INPP4B: variants seen among roughly 807,000 people sequenced by gnomAD.
INPP4B encodes inositol polyphosphate-4-phosphatase type II B.
In INPP4B, 55 loss-of-function variants were observed where a neutral mutation model predicts 122.5. The observed-to-expected ratio is 0.45, with a 90% CI of 0.36 to 0.56. The LOEUF is 0.56. Among genes scored for constraint, INPP4B ranks in the 20% least tolerant of loss-of-function variants. INPP4B has a pLI of 0.00. For missense variants in INPP4B, 1,000 were observed against 1,097.7 expected, an observed-to-expected ratio of 0.91 and a Z score of 1.26; for synonymous variants, 403 against 388.7, an observed-to-expected ratio of 1.04 and a Z score of -0.43.
chr4:142,776,056 G>A (rs975873617), intron 1 of INPP4B, among the ~76,000 whole-genome samples: 2 of 152,168 alleles, frequency 1.3e-5, no homozygotes, highest in Middle Eastern at 3.4e-3. Context: ...GCGCTGATAT[G>A]TGCTTCTCTA....
chr4:142,268,322 C>CAAAAAAAAAAAAAAAAAAAAA (rs56908599), intron 10 of INPP4B, among the ~76,000 whole-genome samples: 117 of 6,898 alleles, frequency 0.017, 47 homozygotes, highest in Middle Eastern at 0.17. Context: ...GACTCCGTCT[C>CAAAAAAAAAAAAAAAAAAAAA]AAAAAAAAAA....
chr4:142,631,262 G>A (rs900376612), intron 2 of INPP4B, among the ~76,000 whole-genome samples: 23 of 152,022 alleles, frequency 1.5e-4, no homozygotes, highest in African/African-American at 5.1e-4. Flanking sequence ...ATGGTGACAC[G>A]AAAATTCTAG....
At chr4:142,233,709 CAAG>C (rs1004886341) in intron 12 of INPP4B, among the ~76,000 whole-genome samples, 4 of 152,074 alleles carry the variant, frequency 2.6e-5, no homozygotes, top group African/African-American at 9.7e-5. Context: ...GAGATTACAC[CAAG>C]AAGAATGCTT....
intron 25 of INPP4B, among the ~76,000 whole-genome samples, chr4:142,064,434 C>T (rs544444339): frequency 6.6e-5 from 10 of 152,078 alleles, no homozygotes; most frequent in South Asian, 2.1e-4. Flanking sequence ...ACAGTGGTCT[C>T]GGTTGCCATT....
chr4:142,776,926 G>A (rs78674494), intron 1 of INPP4B, among the ~76,000 whole-genome samples: 4,555 of 152,192 alleles, frequency 0.03, 82 homozygotes, highest in Non-Finnish European at 0.041. Flanking sequence ...AGTAGTGACT[G>A]GAACTCAGTT....
chr4:142,772,039 A>T (rs955130323), intron 1 of INPP4B, among the ~76,000 whole-genome samples: 1 of 152,142 alleles, frequency 6.6e-6, no homozygotes, highest in Non-Finnish European at 1.5e-5. Flanking sequence ...TTCTCTGATC[A>T]TGTTAAGTTT....
chr4:142,105,403 C>T (rs547327047), intron 23 of INPP4B, among the ~76,000 whole-genome samples: 36 of 152,252 alleles, frequency 2.4e-4, no homozygotes, highest in Admixed American at 5.2e-4. Context: ...TGAAATAAAA[C>T]TATTCCATGT....
intron 2 of INPP4B, among the ~76,000 whole-genome samples, chr4:142,530,809 A>T (rs1386501176): frequency 6.6e-6 from 1 of 151,894 alleles, no homozygotes; most frequent in Non-Finnish European, 1.5e-5. Flanking sequence ...TTAAAGTGGG[A>T]GAATGTTTGA....
intron 3 of INPP4B, among the ~76,000 whole-genome samples, chr4:142,461,676 C>G (rs1472548725): frequency 6.6e-6 from 1 of 152,104 alleles, no homozygotes; most frequent in Non-Finnish European, 1.5e-5. Context: ...TAAAAGCAGG[C>G]CAGTCTCAGG....
intron 15 of INPP4B, among the ~76,000 whole-genome samples, chr4:142,184,014 T>C (rs981911943): frequency 6.6e-6 from 1 of 152,168 alleles, no homozygotes; most frequent in Non-Finnish European, 1.5e-5. Flanking sequence ...CAGACTGCCT[T>C]CTTCACCAAA....
intron 18 of INPP4B, among the ~76,000 whole-genome samples, chr4:142,139,416 C>G (rs1806532515): frequency 6.6e-6 from 1 of 152,136 alleles, no homozygotes; most frequent in Admixed American, 6.5e-5. Context: ...AAGTGATTCT[C>G]TAGCCTCAGC....
At chr4:142,284,568 ATTC>A (rs746279958) in intron 9 of INPP4B, among the ~76,000 whole-genome samples, 2 of 152,162 alleles carry the variant, frequency 1.3e-5, no homozygotes, top group Admixed American at 6.5e-5. Flanking sequence ...AACTTGTCAG[ATTC>A]TTCTTCTCAG....
intron 2 of INPP4B, among the ~76,000 whole-genome samples, chr4:142,628,825 A>T (rs1747218068): frequency 6.6e-6 from 1 of 152,090 alleles, no homozygotes; most frequent in Non-Finnish European, 1.5e-5. Context: ...AACGCAAATA[A>T]GTGCACAGCC....
intron 2 of INPP4B, among the ~76,000 whole-genome samples, chr4:142,471,417 A>C (rs1818805224): frequency 6.6e-6 from 1 of 152,246 alleles, no homozygotes; most frequent in Admixed American, 6.5e-5. Flanking sequence ...CATTTGGAAC[A>C]TCTCTCCTAC....
At chr4:142,338,900 C>A (rs566469875) in intron 7 of INPP4B, among the ~76,000 whole-genome samples, 1 of 152,236 alleles carries the variant, frequency 6.6e-6, no homozygotes, top group East Asian at 1.9e-4. Context: ...TCCTTGTCCT[C>A]TGACTTTCAG....
chr4:142,746,032 GTCTTTAT>G (rs1768690967), intron 1 of INPP4B, among the ~76,000 whole-genome samples: 1 of 151,784 alleles, frequency 6.6e-6, no homozygotes, highest in East Asian at 1.9e-4. Context: ...GAGATGAAAA[GTCTTTAT>G]TCTTTATTTC....
In INPP4B at chr4:142,498,227, T is replaced by TACATATAAACACATATACATACATATACA. The variant is rs1560725659; in HGVS notation, c.-190-35502_-190-35501insTGTATATGTATGTATATGTGTTTATATGT. 6.6e-3 allele frequency among the ~76,000 whole-genome samples: 998 copies of TACATATAAACACATATACATACATATACA among 151,254 alleles called. 14 individuals carry two copies. The highest frequency in any genetic ancestry group is 0.023 in the African/African-American group (946 of 41,172). The stretch of plus-strand genomic sequence containing the variant: ...TGTATATATATATATACACATATAC[T>TACATATAAACACATATACATACATATACA]TACATATAAACTTTTCTTGGGAGAG... On this transcript the variant is annotated intron_variant, in intron 2 of 25. Coordinates refer to ENST00000262992, the MANE Select transcript of INPP4B (RefSeq NM_001101669.3).
chr4:142,628,788 A>G (rs1314679270), intron 2 of INPP4B, among the ~76,000 whole-genome samples: 1 of 152,002 alleles, frequency 6.6e-6, no homozygotes, highest in Non-Finnish European at 1.5e-5. Flanking sequence ...TTATTCTCCC[A>G]TAGGAGTTCC....
intron 2 of INPP4B, among the ~76,000 whole-genome samples, chr4:142,701,414 G>A (rs1198929906): frequency 2.0e-5 from 3 of 151,624 alleles, no homozygotes; most frequent in Non-Finnish European, 4.4e-5. Flanking sequence ...ATCAGGTCAA[G>A]GGCAGCCACA....
Sources: allele counts gnomAD v4.1 joint callset (sites outside exome capture counted in the v4.1 genomes callset), GRCh38; gene constraint gnomAD v4.1.1; transcripts MANE v1.5; gene names NCBI Gene and HGNC (gene_info 2026-07-23, HGNC 2026-07-21).